Variants in GRIP1 observed in about 807,000 individuals in gnomAD.
The protein encoded by GRIP1 is glutamate receptor interacting protein 1.
In GRIP1, 45 loss-of-function variants were observed where a neutral mutation model predicts 129.9. The ratio of observed to expected loss-of-function variants is 0.35; its 90% CI spans 0.27 to 0.44. GRIP1 has a LOEUF of 0.44. Ranked by LOEUF, GRIP1 falls within the 20% of genes least tolerant of loss-of-function variation. The pLI, the probability that GRIP1 is intolerant of heterozygous loss-of-function variation, is 1.00. For synonymous variants in GRIP1, 530 were observed against 520.8 expected (o/e 1.02, Z -0.24); for missense variants, 1,196 against 1,396.8 (o/e 0.86, Z 2.29).
At chr12:66,697,915 A>T (rs997584806) in intron 1 of GRIP1, among the ~76,000 whole-genome samples, 1 of 152,244 alleles carries the variant, frequency 6.6e-6, no homozygotes, top group Non-Finnish European at 1.5e-5. Flanking sequence ...CAACAAGAAT[A>T]AAAGCTTATT....
intron 1 of GRIP1, among the ~76,000 whole-genome samples, chr12:66,781,051 C>T (rs1427306310): frequency 6.6e-6 from 1 of 152,168 alleles, no homozygotes; most frequent in Non-Finnish European, 1.5e-5. Context: ...TTGTTCACCA[C>T]TGAGTTCTAG....
At chr12:66,776,751 G>A (rs546499001) in intron 1 of GRIP1, among the ~76,000 whole-genome samples, 2 of 152,286 alleles carry the variant, frequency 1.3e-5, no homozygotes, top group East Asian at 3.9e-4. Flanking sequence ...ACGCCAATAA[G>A]AGAATACTTT....
At chr12:66,526,146 A>C (rs1217831403) in intron 5 of GRIP1, among the ~76,000 whole-genome samples, 2 of 151,510 alleles carry the variant, frequency 1.3e-5, no homozygotes, top group Non-Finnish European at 2.9e-5. Context: ...ACAAGCTACC[A>C]ATGACTTTCT....
At chr12:66,707,249 T>C (rs11176389) in intron 1 of GRIP1, among the ~76,000 whole-genome samples, 59,842 of 151,512 alleles carry the variant, frequency 0.39, 12,185 homozygotes, top group South Asian at 0.52. Flanking sequence ...TCAAGTCTTC[T>C]AAGCTGTAGC....
At chr12:66,869,277 T>C (rs2040256023) in intron 1 of GRIP1, among the ~76,000 whole-genome samples, 1 of 151,980 alleles carries the variant, frequency 6.6e-6, no homozygotes, top group African/African-American at 2.4e-5. Flanking sequence ...GAAAGGCAAC[T>C]GTGGCTTCTG....
chr12:66,489,329 A>T (rs2060043670), intron 7 of GRIP1, among the ~76,000 whole-genome samples: 1 of 152,332 alleles, frequency 6.6e-6, no homozygotes, highest in Middle Eastern at 3.4e-3. Flanking sequence ...ACATATGAAA[A>T]TCAATAAATG....
chr12:66,947,044 CA>C (rs1166741520), intron 1 of GRIP1, among the ~76,000 whole-genome samples: 125 of 134,458 alleles, frequency 9.3e-4, no homozygotes, highest in South Asian at 2.1e-3. Flanking sequence ...AACTCCATCT[CA>C]AAAAAAAAAA....
chr12:66,398,809 A>G (rs2056884416), intron 16 of GRIP1, among the ~76,000 whole-genome samples: 1 of 152,010 alleles, frequency 6.6e-6, no homozygotes, highest in South Asian at 2.1e-4. Context: ...ACCAACTTTT[A>G]AGAACCAATT....
At chr12:66,925,980 A>G (rs1478965313) in intron 1 of GRIP1, among the ~76,000 whole-genome samples, 3 of 152,246 alleles carry the variant, frequency 2.0e-5, no homozygotes, top group Non-Finnish European at 4.4e-5. Flanking sequence ...GAAAAATAAA[A>G]AGAAGCAGTA....
intron 1 of GRIP1, among the ~76,000 whole-genome samples, chr12:66,838,058 T>C (rs1029073190): frequency 6.6e-6 from 1 of 151,960 alleles, no homozygotes; most frequent in Non-Finnish European, 1.5e-5. Context: ...TGGTGGTGCA[T>C]GCCTGTAATC....
At chr12:66,537,115 C>CT (rs1818501112) in intron 4 of GRIP1, among the ~76,000 whole-genome samples, 2 of 152,050 alleles carry the variant, frequency 1.3e-5, no homozygotes, top group South Asian at 4.1e-4. Flanking sequence ...TGTTGATTGC[C>CT]TTTTTATTGA....
chr12:66,549,214 T>C (rs1274797915), intron 2 of GRIP1, among the ~76,000 whole-genome samples: 1 of 152,088 alleles, frequency 6.6e-6, no homozygotes, highest in African/African-American at 2.4e-5. Flanking sequence ...AACGAGCACA[T>C]CAGTCCCAAA....
At chr12:66,648,602 A>G (rs2032553145) in intron 1 of GRIP1, among the ~76,000 whole-genome samples, 1 of 152,268 alleles carries the variant, frequency 6.6e-6, no homozygotes, top group Non-Finnish European at 1.5e-5. Context: ...GCTGAGAAGC[A>G]ACAAAATAGG....
chr12:67,025,848 C>T (rs967041484), intron 1 of GRIP1, among the ~76,000 whole-genome samples: 1 of 152,142 alleles, frequency 6.6e-6, no homozygotes, highest in African/African-American at 2.4e-5. Flanking sequence ...AAATTATTAA[C>T]TAACTTTTAA....
chr12:66,729,052 ATTT>A (rs11290586), intron 1 of GRIP1, among the ~76,000 whole-genome samples: 1 of 146,900 alleles, frequency 6.8e-6, no homozygotes. Flanking sequence ...AAATACGTTA[ATTT>A]TTTTTTTTTT....
At chr12:66,433,258 A>G (rs999417845) in intron 13 of GRIP1, among the ~76,000 whole-genome samples, 1 of 146,244 alleles carries the variant, frequency 6.8e-6, no homozygotes, top group Non-Finnish European at 1.5e-5. Flanking sequence ...GACATTCAAA[A>G]TATTTCACAA....
At chr12:66,842,031 C>T (rs1039730666) in intron 1 of GRIP1, among the ~76,000 whole-genome samples, 1 of 152,110 alleles carries the variant, frequency 6.6e-6, no homozygotes, top group Non-Finnish European at 1.5e-5. Flanking sequence ...TATGCCCTCC[C>T]ATTATGGAGA....
intron 1 of GRIP1, among the ~76,000 whole-genome samples, chr12:66,674,108 G>T (rs190253314): frequency 3.3e-5 from 5 of 152,106 alleles, no homozygotes; most frequent in African/African-American, 9.7e-5. Context: ...GCCAGCGAGG[G>T]TTAGCAGAAT....
chr12:66,660,553 C>A (rs548144626), intron 1 of GRIP1, among the ~76,000 whole-genome samples: 41 of 152,118 alleles, frequency 2.7e-4, no homozygotes, highest in Non-Finnish European at 4.9e-4. Context: ...ACATCTTCAA[C>A]ATTTATATTT....
Sources: gnomAD v4.1 joint callset for allele counts (sites outside exome capture counted in the v4.1 genomes callset) on GRCh38, gnomAD v4.1.1 for gene constraint, MANE v1.5 for transcripts, NCBI Gene and HGNC (gene_info 2026-07-23, HGNC 2026-07-21) for gene names.